Variants in FAM107A observed in about 807,000 individuals in gnomAD.
FAM107A encodes family with sequence similarity 107 member A.
Under a neutral mutation model 13.7 loss-of-function variants are expected in FAM107A, and 19 were observed. The ratio of observed to expected loss-of-function variants is 1.38; its 90% CI spans 0.97 to 2.03. FAM107A has a LOEUF of 2.03. Ranked by LOEUF, FAM107A falls within the 30% of genes most tolerant of loss-of-function variation. The probability of loss-of-function intolerance (pLI) is 0.00; values close to 1 mark genes in which losing one functional copy is unlikely to be tolerated. For missense variants in FAM107A, 203 were observed against 184.4 expected (o/e 1.10, Z -0.58); for synonymous variants, 82 against 74.5 (o/e 1.10, Z -0.52).
At chr3:58,591,417 G>T (rs978213949), upstream of FAM107A, among the ~76,000 whole-genome samples, 3 of 152,172 alleles carry the variant, frequency 2.0e-5, no homozygotes, top group Admixed American at 2.0e-4. The surrounding 1 kb of genome is among the most constrained non-coding windows in gnomAD (Gnocchi z 4.3). Context: ...TTCAGGAGCA[G>T]CAAGGAGGTC....
At chr3:58,616,349 G>A (rs2065900942) in intron 1 of FAM107A, among the ~76,000 whole-genome samples, 1 of 152,064 alleles carries the variant, frequency 6.6e-6, no homozygotes, top group South Asian at 2.1e-4. Flanking sequence ...CAGGGGGCCA[G>A]GCGTTATTGT....
chr3:58,578,839 A>C (rs1207888704), upstream of FAM107A, among the ~76,000 whole-genome samples: 1 of 152,246 alleles, frequency 6.6e-6, no homozygotes, highest in Admixed American at 6.5e-5. Context: ...GAGGCCTAGG[A>C]CATGCATCAC....
intron 1 of FAM107A, among the ~76,000 whole-genome samples, chr3:58,574,669 G>A (rs995286435): frequency 3.3e-5 from 5 of 152,192 alleles, no homozygotes; most frequent in Non-Finnish European, 5.9e-5. Context: ...CATGACTATA[G>A]GATGGCAAAT....
rs144920023 is a variant in FAM107A, at chr3:58,598,646, T to C, written c.-69-9377A>G. On this transcript the variant is annotated intron_variant, in intron 1 of 3. Coordinates refer to the FAM107A transcript ENST00000465970. The stretch of plus-strand genomic sequence containing the variant: ...ACTGTAAACATTCGGAACAACTCAG[T>C]TGCATACACATTTTAAAAAGTAACA... Among the ~76,000 whole-genome samples the C allele has an allele frequency of 3.2e-3, 488 of 152,358 alleles. 3 individuals are homozygous for C. The highest frequency in any genetic ancestry group is 0.011 in the African/African-American group (470 of 41,592).
chr3:58,602,936 T>A (rs6796408), intron 1 of FAM107A, among the ~76,000 whole-genome samples: 8,449 of 152,276 alleles, frequency 0.055, 277 homozygotes, highest in Middle Eastern at 0.075. Flanking sequence ...AGGTATGTTA[T>A]GTGAATTTAT....
At chr3:58,603,198 C>T (rs1236448001) in intron 1 of FAM107A, among the ~76,000 whole-genome samples, 1 of 152,180 alleles carries the variant, frequency 6.6e-6, no homozygotes, top group African/African-American at 2.4e-5. Context: ...TTTCCCCATA[C>T]CAACACTGTC....
intron 1 of FAM107A, among the ~76,000 whole-genome samples, chr3:58,600,354 C>T (rs980080365): frequency 3.3e-5 from 5 of 152,200 alleles, no homozygotes; most frequent in African/African-American, 9.7e-5. Flanking sequence ...TCCTATCTTC[C>T]TCTCTGTCTT....
chr3:58,599,696 A>ATTTTTTTTTTTTTTTTT lies in FAM107A; in HGVS notation c.-69-10444_-69-10428dup, dbSNP rs57244654. Among the ~76,000 whole-genome samples the ATTTTTTTTTTTTTTTTT allele has an allele frequency of 5.5e-4, 43 of 78,592 alleles. 11 individuals are homozygous for ATTTTTTTTTTTTTTTTT. The highest frequency in any genetic ancestry group is 7.8e-4 in the Non-Finnish European group (29 of 37,404). 51.6% of individuals were successfully genotyped at this position (78,592 alleles called of 152,430 possible). A position where few individuals can be genotyped will look rare whatever the true frequency, so the allele number is the denominator to read the frequency against. On this transcript the variant is annotated intron_variant, in intron 1 of 3. Coordinates refer to the FAM107A transcript ENST00000465970. ...GTGGTATACTTAAAACAAGTGCACC[A>ATTTTTTTTTTTTTTTTT]TTTTTTTTTTTTTTTTTTTTTTTTT...
upstream of FAM107A, among the ~76,000 whole-genome samples, chr3:58,582,306 C>T (rs1414753358): frequency 6.6e-6 from 1 of 152,182 alleles, no homozygotes; most frequent in African/African-American, 2.4e-5. Context: ...GGCAGCCCTA[C>T]CTGGCAGAGG....
At chr3:58,594,359 A>C (rs2065681014) in intron 1 of FAM107A, among the ~76,000 whole-genome samples, 1 of 152,044 alleles carries the variant, frequency 6.6e-6, no homozygotes, top group Non-Finnish European at 1.5e-5. Context: ...GCTTGTAGGC[A>C]CTTTCTCATA....
In FAM107A at chr3:58,613,338, C is replaced by G. The variant is rs1380024797; in HGVS notation, c.-70+14078G>C. Among the ~76,000 whole-genome samples the G allele has an allele frequency of 6.6e-6, 1 of 152,204 alleles. No homozygotes were observed. Among genetic ancestry groups the G allele is most frequent in the Non-Finnish European group, 1.5e-5 (1 of 68,034 alleles). ...TCAAACTGTGGGTTGTCTGACTTCACTGCCCAGGCTTCTCATGCTGTGCTA... is the reference window on the plus strand; with the variant it reads ...TCAAACTGTGGGTTGTCTGACTTCAGTGCCCAGGCTTCTCATGCTGTGCTA... On this transcript the variant is annotated intron_variant, in intron 1 of 3. Transcript: ENST00000465970. The surrounding 1 kb of genome is among the most constrained non-coding windows in gnomAD (Gnocchi z 4.6).
chr3:58,622,476 T>C (rs1339231187), intron 1 of FAM107A, among the ~76,000 whole-genome samples: 1 of 152,156 alleles, frequency 6.6e-6, no homozygotes, highest in Admixed American at 6.5e-5. Flanking sequence ...GCATTTAGCA[T>C]AGTGGCTGCT....
chr3:58,566,422 A>G lies in FAM107A; in HGVS notation c.*166T>C. On this transcript the variant is annotated 3_prime_UTR_variant, in exon 4 of 4. Transcript: ENST00000360997. ...GAAAACCTAGGAGCTTAGGGGCCCC[A>G]GCCTCCCAGGGAGAGCCAGGCCCTC... is the stretch of plus-strand genomic sequence containing the variant. 1 of 593,926 alleles carries G rather than the reference A, an allele frequency of 1.7e-6. No individual in the cohort carries two copies. The highest frequency in any genetic ancestry group is 2.9e-6 in the Non-Finnish European group (1 of 340,156). The allele number at this position is 593,926 out of a possible 1,614,324, so 36.8% of individuals were successfully genotyped here. A position where few individuals can be genotyped will look rare whatever the true frequency, so the allele number is the denominator to read the frequency against.
upstream of FAM107A, chr3:58,577,639 C>G (rs151110295): frequency 3.0e-6 from 3 of 985,220 alleles, no homozygotes; most frequent in African/African-American, 5.2e-5. This position sits in a 1 kb window ranked among gnomAD's most constrained non-coding sequence, Gnocchi z 4.9. Flanking sequence ...ATAAGAAACA[C>G]GCCAAGCTTT....
intron 1 of FAM107A, among the ~76,000 whole-genome samples, chr3:58,621,572 G>T (rs574102105): frequency 6.6e-6 from 1 of 152,120 alleles, no homozygotes; most frequent in Non-Finnish European, 1.5e-5. Flanking sequence ...GAGACCCAAG[G>T]GCAAGCATGC....
At chr3:58,618,764 G>A (rs1471671482) in intron 1 of FAM107A, among the ~76,000 whole-genome samples, 3 of 152,098 alleles carry the variant, frequency 2.0e-5, no homozygotes, top group East Asian at 3.9e-4. Flanking sequence ...AGTGAAGAAG[G>A]GCCCTGGTGG....
chr3:58,578,168 ACCTGGACTCT>A (rs1316201100), upstream of FAM107A, among the ~76,000 whole-genome samples: 6 of 152,178 alleles, frequency 3.9e-5, no homozygotes, highest in African/African-American at 1.4e-4. Flanking sequence ...TCCAAGAGAG[ACCTGGACTCT>A]ACGTGATCTG....
At chr3:58,620,383 A>T (rs951552587) in intron 1 of FAM107A, among the ~76,000 whole-genome samples, 1 of 152,196 alleles carries the variant, frequency 6.6e-6, no homozygotes, top group South Asian at 2.1e-4. Flanking sequence ...GGTAATGCAC[A>T]TGCGGTTCTG....
In FAM107A at chr3:58,569,807, C is replaced by G; in HGVS notation, c.54G>C (p.Arg18=). Residue 18 remains arginine (R), a synonymous_variant, in exon 2 of 4, where the codon CGG becomes CGC. Transcript: ENST00000360997. This position sits in a 1 kb window ranked among gnomAD's most constrained non-coding sequence, Gnocchi z 5.7. ...ERADIGGLMA[R]PEYREWNPEL... The stretch of plus-strand genomic sequence containing the variant: ...CCGGATTCCACTCTCTGTATTCTGG[C>G]CGGGCCATCAGGCCCCCAATGTCTG... The G allele has an allele frequency of 1.9e-6, 3 of 1,614,144 alleles. No individual in the cohort carries two copies. The highest frequency in any genetic ancestry group is 2.5e-6 in the Non-Finnish European group (3 of 1,179,998).
Sources: gnomAD v4.1 joint callset for allele counts (sites outside exome capture counted in the v4.1 genomes callset) on GRCh38, gnomAD v4.1.1 for gene constraint, Gnocchi (gnomAD v3.1) non-coding constraint, MANE v1.5 for transcripts, NCBI Gene and HGNC (gene_info 2026-07-23, HGNC 2026-07-21) for gene names.